The following TMEM165 variants were observed in gnomAD, a reference collection of about 807,000 sequenced individuals.
TMEM165 encodes transmembrane protein 165, also known as putative divalent cation/proton antiporter TMEM165.
Under a neutral mutation model 30.0 loss-of-function variants are expected in TMEM165, and 19 were observed. That is an observed-to-expected ratio of 0.63 (90% confidence interval 0.44 to 0.93). The LOEUF is 0.93. TMEM165 is among the 40% of genes least tolerant of loss of function. The pLI is 0.00. For missense variants in TMEM165, 340 were observed against 417.0 expected (o/e 0.82, Z 1.61); for synonymous variants, 168 against 162.9 (o/e 1.03, Z -0.24).
intron 3 of TMEM165, among the ~76,000 whole-genome samples, chr4:55,436,746 A>G (rs115047336): frequency 6.6e-6 from 1 of 152,326 alleles, no homozygotes; most frequent in African/African-American, 2.4e-5. Flanking sequence ...TATGAGCCTT[A>G]TAAGATTACA....
intron 1 of TMEM165, 92 bp downstream of exon 1, chr4:55,396,488 C>A: frequency 8.6e-7 from 1 of 1,169,092 alleles, no homozygotes; most frequent in Non-Finnish European, 1.1e-6. Flanking sequence ...ACTCCGCCGG[C>A]CTCGGCTGGG....
At chr4:55,437,931 G>A (rs750532952) in intron 3 of TMEM165, among the ~76,000 whole-genome samples, 5 of 152,276 alleles carry the variant, frequency 3.3e-5, no homozygotes, top group Non-Finnish European at 7.4e-5. Context: ...GCTCTGTACA[G>A]AGCAGAGTTT....
chr4:55,401,515 A>G (rs1006082124), intron 1 of TMEM165, among the ~76,000 whole-genome samples: 2 of 150,926 alleles, frequency 1.3e-5, no homozygotes, highest in East Asian at 3.9e-4. Context: ...ATAAAGCCAC[A>G]AAATCATTAC....
intron 2 of TMEM165, 54 bp from the exon 3 acceptor site, chr4:55,417,017 TC>T: frequency 6.9e-7 from 1 of 1,444,398 alleles, no homozygotes; most frequent in South Asian, 1.4e-5. Context: ...AGTTAACTGT[TC>T]CCTTGGTCGT....
chr4:55,417,689 A>T (rs962208975), intron 3 of TMEM165, 114 bp from the exon 4 acceptor site: 13 of 849,678 alleles, frequency 1.5e-5, no homozygotes, highest in Admixed American at 8.8e-5. Context: ...ACATAAATGT[A>T]GTTTTTTTGG....
chr4:55,442,529 G>T, intron 3 of TMEM165: 1 of 1,610,112 alleles, frequency 6.2e-7, no homozygotes, highest in Non-Finnish European at 8.5e-7. Context: ...CCGGCTGCAG[G>T]CTGAGAAATC....
At chr4:55,429,415 C>T (rs1006553806), downstream of TMEM165, 1 of 152,100 alleles carries the variant, frequency 6.6e-6, no homozygotes, top group Non-Finnish European at 1.5e-5. Flanking sequence ...GAAGGATCCT[C>T]AAATGTCTAG....
chr4:55,424,368 TC>T (rs1242951463), intron 4 of TMEM165, 169 bp from the exon 5 acceptor site: 2 of 572,286 alleles, frequency 3.5e-6, no homozygotes, highest in Non-Finnish European at 6.3e-6. Flanking sequence ...TGGTACATAT[TC>T]CTTCAAGCAG....
At chr4:55,399,421 T>G (rs918857981) in intron 1 of TMEM165, among the ~76,000 whole-genome samples, 1 of 152,206 alleles carries the variant, frequency 6.6e-6, no homozygotes, top group Non-Finnish European at 1.5e-5. Context: ...TTGATGAACT[T>G]AATTCTTAGT....
chr4:55,446,280 G>T (rs1021027012), intron 3 of TMEM165, among the ~76,000 whole-genome samples: 1 of 151,462 alleles, frequency 6.6e-6, no homozygotes, highest in African/African-American at 2.4e-5. Context: ...TAAGAGATGG[G>T]GTCTCACTAT....
In TMEM165 at chr4:55,425,814, G is replaced by A. The variant is rs1268169723; in HGVS notation, c.*362G>A. ...CTCCTTCATCACTTAGGTGTTTTAAGATGTTTACCTTAAAGTTTTTCTTGG... is the reference window on the plus strand; with the variant it reads ...CTCCTTCATCACTTAGGTGTTTTAAAATGTTTACCTTAAAGTTTTTCTTGG... On this transcript the variant is annotated 3_prime_UTR_variant, in exon 6 of 6. Coordinates refer to ENST00000381334, the MANE Select transcript of TMEM165 (RefSeq NM_018475.5). The A allele has an allele frequency of 6.3e-6, 1 of 158,632 alleles. No individual in the cohort carries two copies. The highest frequency in any genetic ancestry group is 1.4e-5 in the Non-Finnish European group (1 of 72,614). The allele number at this position is 158,632 out of a possible 1,614,324, so 9.8% of individuals were successfully genotyped here.
rs551366873 is a variant in TMEM165 at position 55,396,002 on chromosome 4, G to A, written c.-188G>A. 12 of 409,884 alleles carry A rather than the reference G, an allele frequency of 2.9e-5. No homozygotes were observed. Among genetic ancestry groups the A allele is most frequent in the Non-Finnish European group, 5.0e-5 (12 of 241,682 alleles). 25.4% of individuals were successfully genotyped at this position (409,884 alleles called of 1,614,324 possible). On this transcript the variant is annotated 5_prime_UTR_variant, in exon 1 of 6. Coordinates refer to ENST00000381334, the MANE Select transcript of TMEM165 (RefSeq NM_018475.5). ...CGGAGAGGACGGGCGCCGAGCCGGGGCTGCGGACTTCGGCCTGCCCCTCAC... is the reference window on the plus strand; with the variant it reads ...CGGAGAGGACGGGCGCCGAGCCGGGACTGCGGACTTCGGCCTGCCCCTCAC...
chr4:55,417,219 A>C lies in TMEM165; in HGVS notation c.581A>C (p.Gln194Pro). 1 of 1,612,328 alleles carries C rather than the reference A, an allele frequency of 6.2e-7. No homozygotes were observed. Among genetic ancestry groups the C allele is most frequent in the Non-Finnish European group, 8.5e-7 (1 of 1,179,622 alleles). ...DEGQEELEEV[Q>P]AELKKKDEEF... The stretch of plus-strand genomic sequence containing the variant: ...GGTCAAGAGGAACTGGAAGAAGTTC[A>C]AGCTGAATTAAAGAAGAAAGATGAA... Residue 194 changes from glutamine (Q) to proline (P), a missense_variant, in exon 3 of 6, where the codon CAA becomes CCA. Transcript: ENST00000381334.
At chr4:55,414,349 GTCTT>G (rs1229652632) in intron 2 of TMEM165, among the ~76,000 whole-genome samples, 1 of 151,652 alleles carries the variant, frequency 6.6e-6, no homozygotes, top group African/African-American at 2.4e-5. Flanking sequence ...GGGTTTAACA[GTCTT>G]TATATTATTT....
At chr4:55,446,391 C>T (rs1369298929) in intron 3 of TMEM165, among the ~76,000 whole-genome samples, 1 of 152,040 alleles carries the variant, frequency 6.6e-6, no homozygotes, top group Non-Finnish European at 1.5e-5. Context: ...TACCCCTTAA[C>T]AAAGGAAAAA....
chr4:55,412,579 T>C (rs1721555197), intron 2 of TMEM165: 3 of 152,118 alleles, frequency 2.0e-5, no homozygotes, highest in Admixed American at 2.0e-4. Context: ...TATTTTCATT[T>C]ACTTCCCTTA....
intron 2 of TMEM165, among the ~76,000 whole-genome samples, chr4:55,416,687 T>C (rs1721743115): frequency 6.6e-6 from 1 of 152,188 alleles, no homozygotes; most frequent in South Asian, 2.1e-4. Flanking sequence ...GGCTTCCCAG[T>C]TATAAAATCT....
At chr4:55,447,380 G>A (rs2109725559) in intron 3 of TMEM165, among the ~76,000 whole-genome samples, 1 of 151,962 alleles carries the variant, frequency 6.6e-6, no homozygotes, top group East Asian at 1.9e-4. Context: ...AAATTAAAAA[G>A]TTACATTTAT....
At chr4:55,420,889 C>T (rs1335974836) in intron 4 of TMEM165, among the ~76,000 whole-genome samples, 1 of 152,108 alleles carries the variant, frequency 6.6e-6, no homozygotes, top group Non-Finnish European at 1.5e-5. Context: ...ATATCCCTGT[C>T]GTTTTGTTTT....
Sources: gnomAD v4.1 joint callset for allele counts (sites outside exome capture counted in the v4.1 genomes callset) on GRCh38, gnomAD v4.1.1 for gene constraint, MANE v1.5 for transcripts, NCBI Gene and HGNC (gene_info 2026-07-23, HGNC 2026-07-21) for gene names.